USH2A: variants seen among roughly 807,000 people sequenced by gnomAD.
USH2A encodes the protein usherin.
USH2A carries 443 observed loss-of-function variants against 538.9 expected under a neutral mutation model. The ratio of observed to expected loss-of-function variants is 0.82; its 90% CI spans 0.76 to 0.89. The LOEUF is 0.89. Ranked by LOEUF, USH2A falls within the 40% of genes least tolerant of loss-of-function variation. The pLI is 0.00. For missense variants in USH2A, 6,633 were observed against 6,324.8 expected (o/e 1.05, Z -1.65); for synonymous variants, 2,413 against 2,273.5 (o/e 1.06, Z -1.75).
chr1:216,303,499 C>A (rs56321435), intron 9 of USH2A, among the ~76,000 whole-genome samples: 59,566 of 151,554 alleles, frequency 0.39, 13,054 homozygotes, highest in African/African-American at 0.6. Context: ...AACTGGTATA[C>A]AAGGTATTTG....
At chr1:216,368,584 C>G (rs917475384) in intron 3 of USH2A, among the ~76,000 whole-genome samples, 1 of 152,150 alleles carries the variant, frequency 6.6e-6, no homozygotes, top group African/African-American at 2.4e-5. Flanking sequence ...GCCCTATGAG[C>G]TACACCAACA....
intron 26 of USH2A, among the ~76,000 whole-genome samples, chr1:216,082,977 A>T (rs1349681431): frequency 6.6e-6 from 1 of 152,096 alleles, no homozygotes; most frequent in Non-Finnish European, 1.5e-5. Flanking sequence ...TACCTATGAC[A>T]TCTGAAAGGA....
intron 61 of USH2A, among the ~76,000 whole-genome samples, chr1:215,707,449 AATT>A (rs1250054151): frequency 6.6e-6 from 1 of 152,182 alleles, no homozygotes; most frequent in Non-Finnish European, 1.5e-5. Flanking sequence ...CTTTTGTGAC[AATT>A]AAAACAGATG....
intron 38 of USH2A, among the ~76,000 whole-genome samples, chr1:215,924,850 G>A (rs192736196): frequency 1.4e-4 from 21 of 151,930 alleles, no homozygotes; most frequent in African/African-American, 3.6e-4. Context: ...GTGTGTGGGC[G>A]TGTGTATTTC....
intron 30 of USH2A, among the ~76,000 whole-genome samples, chr1:216,060,266 A>G (rs184353415): frequency 6.6e-6 from 1 of 152,332 alleles, no homozygotes; most frequent in Admixed American, 6.5e-5. Context: ...AGTGACCCCC[A>G]AATCTGCATT....
chr1:216,005,471 C>T, intron 32 of USH2A, among the ~76,000 whole-genome samples: 1 of 152,242 alleles, frequency 6.6e-6, no homozygotes, highest in East Asian at 1.9e-4. Flanking sequence ...AGCAGGATAT[C>T]TCCAGGAATG....
intron 3 of USH2A, among the ~76,000 whole-genome samples, chr1:216,394,655 A>G (rs2039173156): frequency 6.6e-6 from 1 of 151,536 alleles, no homozygotes; most frequent in African/African-American, 2.4e-5. Context: ...TGTCCCCACA[A>G]TGTCTCTAAA....
At chr1:215,642,236 A>G (rs948583416) in intron 67 of USH2A, among the ~76,000 whole-genome samples, 10 of 152,214 alleles carry the variant, frequency 6.6e-5, no homozygotes, top group African/African-American at 1.7e-4. Context: ...AGCTTTTGAC[A>G]TACTTTATCT....
intron 70 of USH2A, among the ~76,000 whole-genome samples, chr1:215,632,791 G>A (rs1411371153): frequency 6.6e-6 from 1 of 152,176 alleles, no homozygotes; most frequent in African/African-American, 2.4e-5. Flanking sequence ...GCTCCTTAAA[G>A]AAAGTTATTC....
At chr1:215,862,144 T>G (rs774389231) in intron 44 of USH2A, among the ~76,000 whole-genome samples, 2 of 152,126 alleles carry the variant, frequency 1.3e-5, no homozygotes, top group Admixed American at 6.5e-5. Flanking sequence ...AGACTAAGTT[T>G]TCAACATTTT....
At chr1:215,737,035 A>G (rs956543059) in intron 60 of USH2A, among the ~76,000 whole-genome samples, 5 of 151,988 alleles carry the variant, frequency 3.3e-5, no homozygotes, top group African/African-American at 1.2e-4. Context: ...TGCTGTGGTA[A>G]CGAAAACTTG....
rs2035715463 is a variant in USH2A, at chr1:216,232,323, T to C, written c.2810-187A>G. Among the ~76,000 whole-genome samples, 6 of 152,312 alleles carry C rather than the reference T, an allele frequency of 3.9e-5. No individual in the cohort carries two copies. In the South Asian group the frequency reaches 1.2e-3, roughly 32 times the overall value. ...AGAAAAACTGAGTAAATTATCTACA[T>C]TGGACTTGGGTGCCTCCCAGGTCCT... On this transcript the variant is annotated intron_variant, in intron 13 of 71. Transcript: ENST00000307340.
chr1:216,202,529 GT>G (rs1200989180), intron 16 of USH2A, among the ~76,000 whole-genome samples: 2 of 152,164 alleles, frequency 1.3e-5, no homozygotes, highest in Admixed American at 6.5e-5. Flanking sequence ...GCTCTCCTTG[GT>G]TGGGGTACGG....
At chr1:216,011,713 A>T (rs565945467) in intron 32 of USH2A, among the ~76,000 whole-genome samples, 2 of 152,038 alleles carry the variant, frequency 1.3e-5, no homozygotes, top group South Asian at 4.2e-4. Context: ...TACTCTCTAC[A>T]TTTCTCATAA....
chr1:216,165,274 C>A (rs1405112895), intron 21 of USH2A, among the ~76,000 whole-genome samples: 1 of 152,094 alleles, frequency 6.6e-6, no homozygotes, highest in Non-Finnish European at 1.5e-5. Context: ...TCAAAATATT[C>A]ATTAACCTCA....
intron 32 of USH2A, among the ~76,000 whole-genome samples, chr1:216,027,913 T>C (rs943873993): frequency 6.6e-6 from 1 of 152,216 alleles, no homozygotes; most frequent in African/African-American, 2.4e-5. Context: ...AAACATCTGG[T>C]AGAAATTTAC....
chr1:215,674,141 A>G lies in USH2A; in HGVS notation c.13770T>C (p.Gly4590=). 1 of 1,614,150 alleles carries G rather than the reference A, an allele frequency of 6.2e-7. No homozygotes were observed. The highest frequency in any genetic ancestry group is 1.1e-5 in the South Asian group (1 of 91,084). ...GCTGGTTTACTATATATGACTGCAT[A>G]CCAAAAGAATTATGAGTTGTGTTTA... ...IHINTTHNSF[G]MQSYIVNQLK... is the part of the protein sequence containing the mutation. The change falls in exon 63 of 72, where the codon GGT becomes GGC. Residue 4590 remains glycine, a synonymous_variant. Coordinates refer to ENST00000307340, the MANE Select transcript of USH2A (RefSeq NM_206933.4).
In USH2A at chr1:215,743,435, C is replaced by CAT. The variant is rs1246495817; in HGVS notation, c.11390-102_11390-101dup. 5.1e-4 allele frequency: 125 copies of CAT among 242,774 alleles called. 5 individuals carry two copies. The highest frequency in any genetic ancestry group is 7.3e-4 in the Non-Finnish European group (114 of 155,378). 15.0% of individuals were successfully genotyped at this position (242,774 alleles called of 1,614,324 possible). On this transcript the variant is annotated intron_variant, in intron 58 of 71. Transcript: ENST00000307340. ...GTGTGTGTATATATATATAGACACA[C>CAT]ATATATATATAAATAAATATATATA...
intron 43 of USH2A, among the ~76,000 whole-genome samples, chr1:215,869,904 C>T (rs1300855419): frequency 6.6e-6 from 1 of 152,154 alleles, no homozygotes; most frequent in Non-Finnish European, 1.5e-5. Flanking sequence ...GCGAAATACA[C>T]AATTTACGTC....
Sources: gnomAD v4.1 joint callset for allele counts (sites outside exome capture counted in the v4.1 genomes callset) on GRCh38, gnomAD v4.1.1 for gene constraint, MANE v1.5 for transcripts, NCBI Gene and HGNC (gene_info 2026-07-23, HGNC 2026-07-21) for gene names.